The following ODR4 variants were observed in gnomAD, a reference collection of about 807,000 sequenced individuals.
ODR4 encodes protein odr-4 homolog.
ODR4 carries 47 observed loss-of-function variants against 60.2 expected under a neutral mutation model. The observed-to-expected ratio is 0.78, with a 90% confidence interval of 0.62 to 1.00. The LOEUF (loss-of-function observed/expected upper bound fraction) is 1.00. Ranked by LOEUF, ODR4 falls within the 50% of genes least tolerant of loss-of-function variation. The pLI is 0.00. For synonymous variants in ODR4, 178 were observed against 175.5 expected, an observed-to-expected ratio of 1.01 and a Z score of -0.11; for missense variants, 488 against 530.8, an observed-to-expected ratio of 0.92 and a Z score of 0.79.
In ODR4 at chr1:186,384,572, G is replaced by GACACTCAC. The variant is rs1553234419; in HGVS notation, c.235-1412_235-1411insTCACACAC. On this transcript the variant is annotated intron_variant, in intron 3 of 13. Transcript: ENST00000287859. ...TTTGGTCTCTCATAAAATTGTATAT[G>GACACTCAC]ACACACACACACACACACACACACA... Among the ~76,000 whole-genome samples the GACACTCAC allele has an allele frequency of 1.4e-3, 179 of 129,628 alleles. 1 individual carries two copies. Among genetic ancestry groups the GACACTCAC allele is most frequent in the Middle Eastern group, 4.7e-3 (1 of 214 alleles). 85.0% of individuals were successfully genotyped at this position (129,628 alleles called of 152,430 possible). A position where few individuals can be genotyped will look rare whatever the true frequency, so the allele number is the denominator to read the frequency against.
At chr1:186,378,866 T>A (rs1484367079) in intron 1 of ODR4, among the ~76,000 whole-genome samples, 1 of 152,246 alleles carries the variant, frequency 6.6e-6, no homozygotes, top group Non-Finnish European at 1.5e-5. Flanking sequence ...AGAAGCTATA[T>A]GTTGTTATTG....
At position 186,405,120 on chromosome 1, in the gene ODR4, A is replaced by C. The variant is rs185184869; in HGVS notation, c.1001-963A>C. ...TTAAGGCTTTTTACAAAGAAGCATA[A>C]GTAAACAAGTGAAAATAAATATTAG... On this transcript the variant is annotated intron_variant, in intron 11 of 13. Coordinates refer to ENST00000287859, the MANE Select transcript of ODR4 (RefSeq NM_017847.6). 5.3e-5 allele frequency among the ~76,000 whole-genome samples: 8 copies of C among 152,304 alleles called. No individual in the cohort carries two copies. The East Asian group carries it at 1.4e-3, about 26-fold the overall frequency.
downstream of ODR4, among the ~76,000 whole-genome samples, chr1:186,422,320 G>C (rs2102107960): frequency 6.6e-6 from 1 of 152,098 alleles, no homozygotes; most frequent in South Asian, 2.1e-4. Context: ...ATATGAAATG[G>C]CCCCAAAATG....
intron 12 of ODR4, among the ~76,000 whole-genome samples, chr1:186,413,479 G>A (rs182151573): frequency 1.3e-5 from 2 of 152,048 alleles, no homozygotes; most frequent in African/African-American, 2.4e-5. Flanking sequence ...AAAATGACTC[G>A]CTTGAGGTGA....
At chr1:186,396,027 A>G (rs970184611) in intron 9 of ODR4, among the ~76,000 whole-genome samples, 28 of 152,228 alleles carry the variant, frequency 1.8e-4, no homozygotes, top group African/African-American at 6.3e-4. Flanking sequence ...TGAACTATGT[A>G]TCATGTCTTT....
the ODR4 span, among the ~76,000 whole-genome samples, chr1:186,432,354 G>T: frequency 6.6e-6 from 1 of 151,958 alleles, no homozygotes; most frequent in Non-Finnish European, 1.5e-5. Flanking sequence ...TTCTCATACT[G>T]CCCTTGTCCA....
At chr1:186,401,000 A>G (rs1395359673) in intron 11 of ODR4, 1 of 1,552,708 alleles carries the variant, frequency 6.4e-7, no homozygotes, top group Non-Finnish European at 8.8e-7. Context: ...GTTCTGAGCA[A>G]CAGTGTATAT....
chr1:186,398,248 G>T lies in ODR4; in HGVS notation c.781-65G>T, dbSNP rs1411445906. On this transcript the variant is annotated intron_variant, in intron 9 of 13. Transcript: ENST00000287859. The stretch of plus-strand genomic sequence containing the variant: ...CTCTTCATAAAATCGCTAATATAAT[G>T]TTTAAATATTTCCTGTAGTTAATCA... 9 of 1,390,968 alleles carry T rather than the reference G, an allele frequency of 6.5e-6. No individual in the cohort carries two copies. In the Admixed American group the frequency reaches 2.2e-4, roughly 34 times the overall value. The allele number at this position is 1,390,968 out of a possible 1,614,324, so 86.2% of individuals were successfully genotyped here. A position where few individuals can be genotyped will look rare whatever the true frequency, so the allele number is the denominator to read the frequency against.
chr1:186,389,433 C>T (rs969086830), intron 5 of ODR4, among the ~76,000 whole-genome samples, 155 bp from the exon 6 acceptor site: 2 of 152,104 alleles, frequency 1.3e-5, no homozygotes, highest in African/African-American at 4.8e-5. Flanking sequence ...TATATATATG[C>T]ACACATGTAC....
chr1:186,398,511 T>G, intron 10 of ODR4, 70 bp downstream of exon 10: 1 of 1,409,018 alleles, frequency 7.1e-7, no homozygotes, highest in Non-Finnish European at 9.5e-7. Context: ...TTTACCATTT[T>G]TTAATCTTAT....
intron 2 of ODR4, among the ~76,000 whole-genome samples, chr1:186,380,828 A>G (rs1659993145): frequency 6.6e-6 from 1 of 152,234 alleles, no homozygotes; most frequent in Non-Finnish European, 1.5e-5. Flanking sequence ...CATGTTATCT[A>G]CTTATAAAGA....
chr1:186,411,137 C>T lies in ODR4; in HGVS notation c.1186+4869C>T, dbSNP rs145462569. 1.5e-4 allele frequency among the ~76,000 whole-genome samples: 23 copies of T among 152,006 alleles called. No homozygotes were observed. The East Asian group carries it at 4.2e-3, about 28-fold the overall frequency. On this transcript the variant is annotated intron_variant, in intron 12 of 13. Transcript: ENST00000287859. Reference sequence around the variant, plus strand: ...CCAAAATTTGAACCTTTTTGAGCACCGATATGATGCTCAAAGGAAATGTTC... The same window carrying T: ...CCAAAATTTGAACCTTTTTGAGCACTGATATGATGCTCAAAGGAAATGTTC...
Position 186,388,496 on chromosome 1 carries a change from G to C in ODR4, c.385G>C (p.Glu129Gln). 6.4e-7 allele frequency: 1 copy of C among 1,573,066 alleles called. No homozygotes were observed. The highest frequency in any genetic ancestry group is 2.3e-5 in the East Asian group (1 of 43,374). Residue 129 changes from glutamate (E) to glutamine (Q), a missense_variant, in exon 5 of 14, where the codon GAG becomes CAG. Coordinates refer to ENST00000287859, the MANE Select transcript of ODR4 (RefSeq NM_017847.6). ...TAGAAAGAGATTGTGGAATTTCACA[G>C]AGGAGGAAGTCTCAGAACGAGTGAC... ...INRKRLWNFTEEEVSERVTLH... is the reference protein window; with the variant it reads ...INRKRLWNFTQEEVSERVTLH...
In ODR4 at chr1:186,379,984, T is replaced by G. The variant is rs940647527; in HGVS notation, c.99+100T>G. The G allele has an allele frequency of 4.5e-6, 3 of 662,478 alleles. No individual in the cohort carries two copies. In the Admixed American group the frequency reaches 1.0e-4, roughly 22 times the overall value. The allele number at this position is 662,478 out of a possible 1,614,324, so 41.0% of individuals were successfully genotyped here. On this transcript the variant is annotated intron_variant, in intron 2 of 13. Coordinates refer to ENST00000287859, the MANE Select transcript of ODR4 (RefSeq NM_017847.6). ...AAAGTTAAAAGATGCTATTTAATAA[T>G]AAACTCAAGATTGGGGGATGGAAGA...
intron 11 of ODR4, among the ~76,000 whole-genome samples, chr1:186,400,245 C>T (rs1205531169): frequency 6.6e-6 from 1 of 151,478 alleles, no homozygotes; most frequent in South Asian, 2.1e-4. Flanking sequence ...CCGTCTCGGC[C>T]TCCCAAAGTG....
intron 12 of ODR4, among the ~76,000 whole-genome samples, chr1:186,415,458 CTT>C (rs1553238756): frequency 6.6e-6 from 1 of 152,084 alleles, no homozygotes; most frequent in Non-Finnish European, 1.5e-5. Flanking sequence ...TTCTCTCTCT[CTT>C]TTTTGTGGGG....
chr1:186,390,007 T>C (rs1446243836), intron 6 of ODR4, among the ~76,000 whole-genome samples: 4 of 152,144 alleles, frequency 2.6e-5, no homozygotes, highest in Non-Finnish European at 5.9e-5. Context: ...GGTTTCACCA[T>C]GTTAGTTATG....
intron 12 of ODR4, among the ~76,000 whole-genome samples, chr1:186,407,758 T>C (rs144628938): frequency 1.3e-5 from 2 of 152,272 alleles, no homozygotes; most frequent in East Asian, 3.9e-4. Flanking sequence ...TACCTTAAGC[T>C]GTTCATTTTA....
intron 12 of ODR4, among the ~76,000 whole-genome samples, chr1:186,413,044 A>T (rs1268980113): frequency 6.6e-6 from 1 of 152,160 alleles, no homozygotes; most frequent in Non-Finnish European, 1.5e-5. Flanking sequence ...GGAATCAATT[A>T]CTACGCATTT....
Sources: gnomAD v4.1 joint callset for allele counts (sites outside exome capture counted in the v4.1 genomes callset) on GRCh38, gnomAD v4.1.1 for gene constraint, MANE v1.5 for transcripts, NCBI Gene and HGNC (gene_info 2026-07-23, HGNC 2026-07-21) for gene names.